HSD17B4: variants seen among roughly 807,000 people sequenced by gnomAD.
HSD17B4 encodes the protein hydroxysteroid 17-beta dehydrogenase 4, also known as peroxisomal multifunctional enzyme type 2.
In HSD17B4, 70 loss-of-function variants were observed where a neutral mutation model predicts 101.0. That is an observed-to-expected ratio of 0.69 (90% CI 0.57 to 0.85). The LOEUF is 0.85. Ranked by LOEUF, HSD17B4 falls within the 40% of genes least tolerant of loss-of-function variation. The pLI is 0.00. For missense variants in HSD17B4, 984 were observed against 892.4 expected, an observed-to-expected ratio of 1.10 and a Z score of -1.31; for synonymous variants, 347 against 297.1, an observed-to-expected ratio of 1.17 and a Z score of -1.73.
At chr5:119,470,472 T>G (rs1249228038) in intron 2 of HSD17B4, among the ~76,000 whole-genome samples, 1 of 152,172 alleles carries the variant, frequency 6.6e-6, no homozygotes, top group Admixed American at 6.5e-5. Flanking sequence ...TCAGGAGCAA[T>G]TCAGCTGTGT....
chr5:119,527,776 T>C (rs1467345660), intron 20 of HSD17B4, among the ~76,000 whole-genome samples: 1 of 152,128 alleles, frequency 6.6e-6, no homozygotes, highest in Non-Finnish European at 1.5e-5. Flanking sequence ...AATCTTATCC[T>C]TTATGAGTTT....
intron 8 of HSD17B4, among the ~76,000 whole-genome samples, chr5:119,479,920 A>G (rs912244469): frequency 1.3e-5 from 2 of 152,160 alleles, no homozygotes; most frequent in African/African-American, 2.4e-5. Flanking sequence ...TTGCCAAACT[A>G]TCTTCCAAAA....
At chr5:119,489,070 A>G in intron 8 of HSD17B4, 122 bp from the exon 9 acceptor site, 2 of 696,464 alleles carry the variant, frequency 2.9e-6, no homozygotes, top group South Asian at 1.6e-5. Context: ...ATGTTAGACT[A>G]GTTATATACA....
intron 22 of HSD17B4, among the ~76,000 whole-genome samples, chr5:119,532,433 A>G (rs1754194932): frequency 1.3e-5 from 2 of 152,124 alleles, no homozygotes; most frequent in Admixed American, 6.6e-5. Context: ...GCTAAAAGCC[A>G]TGTAGAAAGC....
chr5:119,495,445 T>C (rs1750549381), intron 11 of HSD17B4, among the ~76,000 whole-genome samples: 1 of 152,196 alleles, frequency 6.6e-6, no homozygotes, highest in Non-Finnish European at 1.5e-5. Context: ...ATTTTACAGA[T>C]GATGGAACTA....
At chr5:119,482,122 G>A (rs1285804855) in intron 8 of HSD17B4, among the ~76,000 whole-genome samples, 1 of 151,728 alleles carries the variant, frequency 6.6e-6, no homozygotes, top group Admixed American at 6.6e-5. Flanking sequence ...TCTTCTTCTC[G>A]GGTTCTCATT....
In HSD17B4 at chr5:119,471,581, T is replaced by C. The variant is rs1756371968; in HGVS notation, c.113-2327T>C. ...AATTGTGTTAATCATAACTATTACA[T>C]TTTCATGTATACCATTATGCTATTT... On this transcript the variant is annotated intron_variant, in intron 2 of 23. Transcript: ENST00000510025. 11 of 710,312 alleles carry C rather than the reference T, an allele frequency of 1.5e-5. No individual in the cohort carries two copies. In the East Asian group the frequency reaches 3.6e-4, roughly 23 times the overall value. The allele number at this position is 710,312 out of a possible 1,614,324, so 44.0% of individuals were successfully genotyped here.
intron 6 of HSD17B4, among the ~76,000 whole-genome samples, chr5:119,476,262 C>T (rs967395606): frequency 6.6e-6 from 1 of 152,038 alleles, no homozygotes; most frequent in African/African-American, 2.4e-5. Context: ...GTCTAGTGCA[C>T]TAAAAATGAT....
In HSD17B4 at chr5:119,456,454, A is replaced by G. The variant is rs1754675454; in HGVS notation, c.112+86A>G. 3.2e-6 allele frequency: 3 copies of G among 933,414 alleles called. No individual in the cohort carries two copies. The South Asian group carries it at 4.1e-5, about 13-fold the overall frequency. 57.8% of individuals were successfully genotyped at this position (933,414 alleles called of 1,614,324 possible). Reference sequence around the variant, plus strand: ...GCTATCTTTGTCTTTCTATCAAATAATTTGTCAAGGTTGAATTTTATTATT... The same window carrying G: ...GCTATCTTTGTCTTTCTATCAAATAGTTTGTCAAGGTTGAATTTTATTATT... On this transcript the variant is annotated intron_variant, in intron 2 of 23. Transcript: ENST00000510025.
In HSD17B4 at chr5:119,452,612, C is replaced by G. The variant is rs1561419761; in HGVS notation, c.37C>G (p.Leu13Val). 6.2e-7 allele frequency: 1 copy of G among 1,614,008 alleles called. No homozygotes were observed. Among genetic ancestry groups the G allele is most frequent in the East Asian group, 2.2e-5 (1 of 44,856 alleles). The change falls in exon 1 of 24, where the codon CTG becomes GTG. Residue 13 changes from leucine (L) to valine (V), a missense_variant. Leu to Val is a conservative substitution (Grantham distance 32). Transcript: ENST00000510025. ...GCTGAGGTTCGACGGGCGGGTGGTA[C>G]TGGTCACCGGCGCGGGGGCAGGTGA... ...SPLRFDGRVV[L>V]VTGAGAGLGR...
intron 17 of HSD17B4, among the ~76,000 whole-genome samples, chr5:119,519,227 C>T (rs1162839778): frequency 3.3e-5 from 5 of 152,138 alleles, no homozygotes; most frequent in Non-Finnish European, 5.9e-5. Context: ...AATTCCACTG[C>T]AATAATCTAG....
intron 12 of HSD17B4, among the ~76,000 whole-genome samples, chr5:119,497,544 C>A (rs1029063683): frequency 6.6e-6 from 1 of 152,186 alleles, no homozygotes; most frequent in Admixed American, 6.5e-5. Context: ...GACACCATGA[C>A]TTCTGGAGGT....
intron 11 of HSD17B4, among the ~76,000 whole-genome samples, chr5:119,494,330 T>TTTCTTTCA (rs539428933): frequency 1.3e-5 from 1 of 76,158 alleles, no homozygotes; most frequent in Non-Finnish European, 2.7e-5. Flanking sequence ...CTTTCTTTTC[T>TTTCTTTCA]TTCTTTCTTT....
chr5:119,489,815 TA>T (rs1364982462), intron 9 of HSD17B4, among the ~76,000 whole-genome samples: 5 of 152,030 alleles, frequency 3.3e-5, no homozygotes, highest in African/African-American at 7.3e-5. Flanking sequence ...TATTTTTACA[TA>T]AAAAATGAAC....
chr5:119,474,771 C>G (rs982125320), intron 4 of HSD17B4, among the ~76,000 whole-genome samples: 3 of 151,760 alleles, frequency 2.0e-5, no homozygotes, highest in African/African-American at 7.3e-5. Context: ...AAAAATAAAC[C>G]AATATTTTGG....
At chr5:119,516,094 A>G (rs1752590522) in intron 17 of HSD17B4, among the ~76,000 whole-genome samples, 1 of 152,214 alleles carries the variant, frequency 6.6e-6, no homozygotes, top group South Asian at 2.1e-4. Context: ...TTGTAATCTC[A>G]TAAGCCAGAG....
chr5:119,506,350 C>T (rs1437026031), intron 14 of HSD17B4, among the ~76,000 whole-genome samples: 1 of 152,186 alleles, frequency 6.6e-6, no homozygotes, highest in African/African-American at 2.4e-5. Flanking sequence ...ATGAACTCAT[C>T]CTTTTTTATG....
At chr5:119,535,218 A>G (rs1171269331) in intron 22 of HSD17B4, among the ~76,000 whole-genome samples, 1 of 152,034 alleles carries the variant, frequency 6.6e-6, no homozygotes, top group Admixed American at 6.6e-5. Context: ...CTATTCACAC[A>G]ACAAAGATCA....
chr5:119,480,585 C>T (rs1749028716), intron 8 of HSD17B4, among the ~76,000 whole-genome samples: 1 of 152,118 alleles, frequency 6.6e-6, no homozygotes, highest in Non-Finnish European at 1.5e-5. Context: ...GATCACAGGA[C>T]CACAGGACTG....
Sources: gnomAD v4.1 joint callset for allele counts (sites outside exome capture counted in the v4.1 genomes callset) on GRCh38, gnomAD v4.1.1 for gene constraint, MANE v1.5 for transcripts, NCBI Gene and HGNC (gene_info 2026-07-23, HGNC 2026-07-21) for gene names.